UCK2: variants seen among roughly 807,000 people sequenced by gnomAD.
The protein encoded by UCK2 is cytidine monophosphokinase 2.
UCK2 carries 6 observed loss-of-function variants against 30.8 expected under a neutral mutation model. The observed-to-expected ratio is 0.19, with a 90% CI of 0.11 to 0.38. The LOEUF is 0.38. Ranked by LOEUF, UCK2 falls within the 10% of genes least tolerant of loss-of-function variation. The probability of loss-of-function intolerance (pLI) is 1.00; values close to 1 mark genes in which losing one functional copy is unlikely to be tolerated. For missense variants in UCK2, 210 were observed against 339.8 expected (o/e 0.62, Z 3.00); for synonymous variants, 125 against 133.6 (o/e 0.94, Z 0.45).
chr1:165,852,359 TAAAC>T (rs1239390726), intron 1 of UCK2, among the ~76,000 whole-genome samples: 18 of 152,214 alleles, frequency 1.2e-4, no homozygotes, highest in East Asian at 1.9e-4. Flanking sequence ...ACAAGGAACT[TAAAC>T]AAATTTACAA....
At chr1:165,863,897 A>G (rs7527146) in intron 1 of UCK2, among the ~76,000 whole-genome samples, 40,600 of 152,120 alleles carry the variant, frequency 0.27, 5,635 homozygotes, top group South Asian at 0.46. Flanking sequence ...TATATAACGT[A>G]TTTGTTAAAT....
intron 1 of UCK2, among the ~76,000 whole-genome samples, chr1:165,879,714 C>T (rs1169226722): frequency 2.6e-5 from 4 of 151,718 alleles, no homozygotes; most frequent in Non-Finnish European, 5.9e-5. Context: ...TTTTGGGGCC[C>T]TGGAGATGGT....
chr1:165,841,097 A>ATG (rs765579536), intron 1 of UCK2, among the ~76,000 whole-genome samples: 3,918 of 132,222 alleles, frequency 0.03, 198 homozygotes, highest in African/African-American at 0.1. Flanking sequence ...GTGCACACGT[A>ATG]TGTGTGTGTG....
At chr1:165,893,368 G>A (rs1305875502) in intron 3 of UCK2, among the ~76,000 whole-genome samples, 2 of 152,150 alleles carry the variant, frequency 1.3e-5, no homozygotes, top group Non-Finnish European at 2.9e-5. Flanking sequence ...GTGGCTCAAA[G>A]CTCATGTCTT....
intron 6 of UCK2, among the ~76,000 whole-genome samples, chr1:165,906,468 C>G (rs910111193): frequency 6.6e-6 from 1 of 152,186 alleles, no homozygotes; most frequent in African/African-American, 2.4e-5. Flanking sequence ...CATTTGCAGC[C>G]TCCAATTCCT....
chr1:165,904,660 C>T (rs1256659806), intron 5 of UCK2, among the ~76,000 whole-genome samples: 1 of 152,240 alleles, frequency 6.6e-6, no homozygotes, highest in African/African-American at 2.4e-5. Context: ...GCTCATTCCC[C>T]TGTAAGCCAG....
Position 165,896,407 on chromosome 1 carries a change from ACCCCACCCGCCTGAGTCTGAAG to A in UCK2, c.499+79_499+100del. The A allele has an allele frequency of 1.9e-6, 3 of 1,555,598 alleles. No homozygotes were observed. The South Asian group carries it at 3.5e-5, about 18-fold the overall frequency. On this transcript the variant is annotated intron_variant, in intron 4 of 6. Transcript: ENST00000367879. ...GGGGGAGCTGGGAGCCTGTGACAGG[ACCCCACCCGCCTGAGTCTGAAG>A]CCCATGCCTTCCCTGAGGCAGCTGT...
intron 1 of UCK2, among the ~76,000 whole-genome samples, chr1:165,880,061 T>C (rs1655444526): frequency 6.6e-6 from 1 of 152,240 alleles, no homozygotes; most frequent in Admixed American, 6.5e-5. Flanking sequence ...AACTAAAATA[T>C]ACTTTGTACA....
At chr1:165,899,333 G>A (rs1262615829) in intron 4 of UCK2, among the ~76,000 whole-genome samples, 1 of 152,158 alleles carries the variant, frequency 6.6e-6, no homozygotes, top group Non-Finnish European at 1.5e-5. Context: ...CAGGGAGGAG[G>A]TGGGGCAGGG....
At chr1:165,865,829 C>T (rs1018835349) in intron 1 of UCK2, among the ~76,000 whole-genome samples, 3 of 152,292 alleles carry the variant, frequency 2.0e-5, no homozygotes, top group South Asian at 2.1e-4. Context: ...GAAGAACACT[C>T]GCACAATGAG....
intron 1 of UCK2, among the ~76,000 whole-genome samples, chr1:165,829,767 A>C (rs1421385429): frequency 6.6e-6 from 1 of 152,178 alleles, no homozygotes; most frequent in African/African-American, 2.4e-5. Context: ...ATTCTCTGCT[A>C]TTTTTATCCA....
intron 1 of UCK2, among the ~76,000 whole-genome samples, chr1:165,860,041 G>A (rs190357280): frequency 4.7e-3 from 714 of 152,310 alleles, no homozygotes; most frequent in Admixed American, 8.9e-3. Flanking sequence ...CTTTGAAGGA[G>A]GTTCAAGCCA....
At chr1:165,859,380 G>T (rs1299936781) in intron 1 of UCK2, among the ~76,000 whole-genome samples, 1 of 152,178 alleles carries the variant, frequency 6.6e-6, no homozygotes, top group African/African-American at 2.4e-5. Context: ...CTCCGCTGGT[G>T]TCTGAGTTGG....
chr1:165,865,736 C>T (rs1655029832), intron 1 of UCK2, among the ~76,000 whole-genome samples: 1 of 152,114 alleles, frequency 6.6e-6, no homozygotes, highest in Non-Finnish European at 1.5e-5. Flanking sequence ...CGATCACCAG[C>T]CAAGCACTCT....
Position 165,890,314 on chromosome 1 carries a change from G to A in UCK2, c.210G>A (p.Ser70=), listed in dbSNP as rs760285342. 31 of 1,614,074 alleles carry A rather than the reference G, an allele frequency of 1.9e-5. No individual in the cohort carries two copies. The highest frequency in any genetic ancestry group is 4.5e-5 in the East Asian group (2 of 44,876). ...SQDSFYRVLT[S]EQKAKALKGQ... is the part of the protein sequence containing the mutation. ...ATAGCTTCTACCGTGTCCTTACCTC[G>A]GAGCAGAAGGCCAAAGCCCTGAAGG... Residue 70 remains serine (S), a synonymous_variant, in exon 2 of 7, where the codon TCG becomes TCA. Transcript: ENST00000367879.
intron 1 of UCK2, among the ~76,000 whole-genome samples, chr1:165,879,961 A>C (rs187186815): frequency 6.6e-6 from 1 of 152,326 alleles, no homozygotes; most frequent in East Asian, 1.9e-4. Flanking sequence ...CTGGAGGAGA[A>C]ATTAAGAAGA....
At chr1:165,862,938 A>T (rs1654955552) in intron 1 of UCK2, among the ~76,000 whole-genome samples, 1 of 152,056 alleles carries the variant, frequency 6.6e-6, no homozygotes, top group Non-Finnish European at 1.5e-5. Flanking sequence ...GAAAAGAAAA[A>T]CTTTATTTTT....
At chr1:165,840,951 G>A (rs1275278856) in intron 1 of UCK2, among the ~76,000 whole-genome samples, 1 of 152,040 alleles carries the variant, frequency 6.6e-6, no homozygotes, top group Non-Finnish European at 1.5e-5. Context: ...ATTATTCCCA[G>A]CACCACAGAA....
At position 165,908,060 on chromosome 1, in the gene UCK2, A is replaced by G; in HGVS notation, c.*237A>G. The G allele has an allele frequency of 2.1e-6, 1 of 475,650 alleles. No homozygotes were observed. The highest frequency in any genetic ancestry group is 3.5e-5 in the East Asian group (1 of 28,216). The allele number at this position is 475,650 out of a possible 1,614,324, so 29.5% of individuals were successfully genotyped here. A position where few individuals can be genotyped will look rare whatever the true frequency, so the allele number is the denominator to read the frequency against. On this transcript the variant is annotated 3_prime_UTR_variant, in exon 7 of 7. Coordinates refer to ENST00000367879, the MANE Select transcript of UCK2 (RefSeq NM_012474.5). ...CAACTACTACTGGTGATGCCTAATT[A>G]TGAATCCAACGTGTAACCAGTTATA...
Sources: allele counts gnomAD v4.1 joint callset (sites outside exome capture counted in the v4.1 genomes callset), GRCh38; gene constraint gnomAD v4.1.1; transcripts MANE v1.5; gene names NCBI Gene and HGNC (gene_info 2026-07-23, HGNC 2026-07-21).